LRIF1: variants seen among roughly 807,000 people sequenced by gnomAD.
The protein encoded by LRIF1 is ligand dependent nuclear receptor interacting factor 1, also known as ligand-dependent nuclear receptor-interacting factor 1.
In LRIF1, 32 loss-of-function variants were observed where a neutral mutation model predicts 52.7. That is an observed-to-expected ratio of 0.61 (90% CI 0.46 to 0.82). The LOEUF (loss-of-function observed/expected upper bound fraction) is 0.82. Among genes scored for constraint, LRIF1 ranks in the 40% least tolerant of loss-of-function variants. LRIF1 has a pLI of 0.00. For missense variants in LRIF1, 887 were observed against 892.0 expected (o/e 0.99, Z 0.07); for synonymous variants, 323 against 317.4 (o/e 1.02, Z -0.19).
chr1:110,878,072 T>C, the LRIF1 span, among the ~76,000 whole-genome samples: 9 of 152,198 alleles, frequency 5.9e-5, no homozygotes, highest in South Asian at 4.1e-4. Context: ...CCTTTGATGA[T>C]TCTTAGCTGG....
Position 110,957,470 on chromosome 1 carries a change from C to CAAAAAAAAAAAAA in LRIF1, c.69-4668_69-4656dup, listed in dbSNP as rs34396800. Among the ~76,000 whole-genome samples the CAAAAAAAAAAAAA allele has an allele frequency of 8.6e-4, 37 of 42,784 alleles. 3 individuals are homozygous for CAAAAAAAAAAAAA. The highest frequency in any genetic ancestry group is 1.7e-3 in the Admixed American group (5 of 2,970). 28.1% of individuals were successfully genotyped at this position (42,784 alleles called of 152,430 possible). A position where few individuals can be genotyped will look rare whatever the true frequency, so the allele number is the denominator to read the frequency against. On this transcript the variant is annotated intron_variant, in intron 1 of 3. Coordinates refer to ENST00000369763, the MANE Select transcript of LRIF1 (RefSeq NM_018372.4). ...TGGGCGACAAAGCAAGACTCAGTCT[C>CAAAAAAAAAAAAA]AAAAAAAAAAAAAAAAAAAAAAGAC...
chr1:110,956,269 T>TC (rs1658697361), intron 1 of LRIF1, among the ~76,000 whole-genome samples: 1 of 152,192 alleles, frequency 6.6e-6, no homozygotes, highest in African/African-American at 2.4e-5. Context: ...TACTAATCTG[T>TC]ACTCGAGATT....
chr1:110,896,416 T>C, the LRIF1 span, among the ~76,000 whole-genome samples: 1 of 152,170 alleles, frequency 6.6e-6, no homozygotes, highest in East Asian at 1.9e-4. Flanking sequence ...TTATTCTTGA[T>C]CTGTAAAATG....
chr1:110,962,837 C>G (rs1659015485), intron 1 of LRIF1, among the ~76,000 whole-genome samples: 1 of 152,028 alleles, frequency 6.6e-6, no homozygotes, highest in African/African-American at 2.4e-5. Flanking sequence ...ACTTAATCTA[C>G]TAACCATGTG....
intron 1 of LRIF1, among the ~76,000 whole-genome samples, chr1:110,955,379 C>T (rs565123503): frequency 9.2e-5 from 14 of 152,302 alleles, no homozygotes; most frequent in Middle Eastern, 3.4e-3. Context: ...AGCTTCATGA[C>T]TGATTTTTTT....
the LRIF1 span, among the ~76,000 whole-genome samples, chr1:110,903,957 T>C: frequency 2.0e-5 from 3 of 152,128 alleles, no homozygotes; most frequent in Non-Finnish European, 2.9e-5. Flanking sequence ...TTATGAGTAC[T>C]TGGACCTTAA....
At chr1:110,963,099 T>A (rs1659030960) in intron 1 of LRIF1, among the ~76,000 whole-genome samples, 1 of 152,214 alleles carries the variant, frequency 6.6e-6, no homozygotes, top group Admixed American at 6.5e-5. Context: ...ATTTCTCCAG[T>A]CTTACTTCTC....
the LRIF1 span, among the ~76,000 whole-genome samples, chr1:110,915,072 C>T: frequency 1.3e-5 from 2 of 151,924 alleles, no homozygotes; most frequent in Non-Finnish European, 2.9e-5. Flanking sequence ...TTACAATGGG[C>T]AAATAAATTA....
chr1:110,885,826 T>G, the LRIF1 span, among the ~76,000 whole-genome samples: 18 of 152,188 alleles, frequency 1.2e-4, no homozygotes, highest in East Asian at 3.5e-3. Flanking sequence ...ATCACACCAC[T>G]GCACTCCAGC....
intron 1 of LRIF1, among the ~76,000 whole-genome samples, chr1:110,960,302 C>T (rs1353301547): frequency 1.3e-5 from 2 of 152,074 alleles, no homozygotes; most frequent in Non-Finnish European, 2.9e-5. Flanking sequence ...TTCATTTAGA[C>T]TCTATAGTAT....
At chr1:110,929,264 C>T in the LRIF1 span, among the ~76,000 whole-genome samples, 221 of 152,212 alleles carry the variant, frequency 1.5e-3, 1 homozygote, top group African/African-American at 5.2e-3. Context: ...GATTTCTATT[C>T]CTTTGGGTAT....
chr1:110,955,525 C>T (rs918605975), intron 1 of LRIF1, among the ~76,000 whole-genome samples: 5 of 152,086 alleles, frequency 3.3e-5, no homozygotes, highest in African/African-American at 1.2e-4. Context: ...CAATGTTAAG[C>T]CAAAGGAACA....
At chr1:110,908,575 A>G in the LRIF1 span, among the ~76,000 whole-genome samples, 11 of 152,232 alleles carry the variant, frequency 7.2e-5, no homozygotes, top group Non-Finnish European at 8.8e-5. Context: ...ATGAAAAATT[A>G]GCACAGGAAC....
At chr1:110,942,910 T>C (rs184523915), downstream of LRIF1, among the ~76,000 whole-genome samples, 526 of 152,254 alleles carry the variant, frequency 3.5e-3, 1 homozygote, top group African/African-American at 0.012. Flanking sequence ...ATATAGACGG[T>C]ATTTTGATCC....
chr1:110,946,485 T>A (rs1475355966), downstream of LRIF1, among the ~76,000 whole-genome samples: 1 of 152,074 alleles, frequency 6.6e-6, no homozygotes, highest in African/African-American at 2.4e-5. Context: ...AAAAGCTGGA[T>A]TTTACAGTAC....
chr1:110,886,869 A>ATATATATATATATATATTT, the LRIF1 span, among the ~76,000 whole-genome samples: 8 of 82,782 alleles, frequency 9.7e-5, no homozygotes, highest in Non-Finnish European at 1.6e-4. Flanking sequence ...ATATATATAT[A>ATATATATATATATATATTT]TTTTTTTTTT....
At chr1:110,946,139 GAAT>G (rs1570936162), downstream of LRIF1, among the ~76,000 whole-genome samples, 2 of 152,256 alleles carry the variant, frequency 1.3e-5, no homozygotes, top group South Asian at 4.1e-4. Flanking sequence ...ATCCATGATG[GAAT>G]ATTATTCAGC....
At position 110,952,530 on chromosome 1, in the gene LRIF1, A is replaced by G; in HGVS notation, c.354T>C (p.Gly118=). The change falls in exon 2 of 4, where the codon GGT becomes GGC. Residue 118 remains glycine, a synonymous_variant. Transcript: ENST00000369763. ...TTCCAGTTCCCACAGAAGTAACTCTACCTTTTTCTGATGTATCTACTGTTC... is the reference window on the plus strand; with the variant it reads ...TTCCAGTTCCCACAGAAGTAACTCTGCCTTTTTCTGATGTATCTACTGTTC... ...LTRTVDTSEK[G]RVTSVGTGNF... 7 of 1,613,988 alleles carry G rather than the reference A, an allele frequency of 4.3e-6. No individual in the cohort carries two copies. Among genetic ancestry groups the G allele is most frequent in the Non-Finnish European group, 5.1e-6 (6 of 1,179,872 alleles).
chr1:110,890,726 A>C, the LRIF1 span, among the ~76,000 whole-genome samples: 1 of 152,170 alleles, frequency 6.6e-6, no homozygotes, highest in Non-Finnish European at 1.5e-5. Flanking sequence ...TAAAGCTTAC[A>C]TTGCTATCTC....
Sources: gnomAD v4.1 joint callset for allele counts (sites outside exome capture counted in the v4.1 genomes callset) on GRCh38, gnomAD v4.1.1 for gene constraint, MANE v1.5 for transcripts, NCBI Gene and HGNC (gene_info 2026-07-23, HGNC 2026-07-21) for gene names.